PLXNA1: variants seen among roughly 807,000 people sequenced by gnomAD.
PLXNA1 encodes plexin-A1.
PLXNA1 carries 77 observed loss-of-function variants against 191.7 expected under a neutral mutation model. The observed-to-expected ratio is 0.40, with a 90% CI of 0.33 to 0.49. The LOEUF (loss-of-function observed/expected upper bound fraction) is 0.49. Among genes scored for constraint, PLXNA1 ranks in the 20% least tolerant of loss-of-function variants. The pLI is 0.63. For synonymous variants in PLXNA1, 1,137 were observed against 1,156.4 expected, an observed-to-expected ratio of 0.98 and a Z score of 0.34; for missense variants, 2,110 against 2,660.2, an observed-to-expected ratio of 0.79 and a Z score of 4.55.
chr3:127,023,796 G>GT (rs2079164089), intron 23 of PLXNA1, among the ~76,000 whole-genome samples: 1 of 152,150 alleles, frequency 6.6e-6, no homozygotes, highest in South Asian at 2.1e-4. Flanking sequence ...AGGCAATGGG[G>GT]CAGGGCCGAG....
intron 1 of PLXNA1, among the ~76,000 whole-genome samples, chr3:126,986,494 A>G (rs967513663): frequency 1.3e-5 from 2 of 152,068 alleles, no homozygotes; most frequent in African/African-American, 4.8e-5. Context: ...TGGGGAGTGA[A>G]ACAGGAGTGA....
At chr3:127,027,067 TGGC>T (rs2079179832) in intron 23 of PLXNA1, 1 of 164,322 alleles carries the variant, frequency 6.1e-6, no homozygotes, top group Middle Eastern at 3.0e-3. Context: ...GAACGACAGA[TGGC>T]GGGGAGACTC....
At position 127,032,397 on chromosome 3, in the gene PLXNA1, C is replaced by T. The variant is rs2079215968; in HGVS notation, c.5242C>T (p.Arg1748Cys). ...HTWKSNCLPL[R>C]FWVNVIKNPQ... ...GACTCTCGCCTGCAGCCTGCCCCTG[C>T]GCTTCTGGGTGAACGTGATCAAGAA... The change falls in exon 30 of 32, where the codon CGC becomes TGC. Residue 1748 changes from arginine to cysteine, a missense_variant. Transcript: ENST00000393409. 1.2e-6 allele frequency: 2 copies of T among 1,613,712 alleles called. No homozygotes were observed. The highest frequency in any genetic ancestry group is 1.7e-6 in the Non-Finnish European group (2 of 1,179,918).
chr3:127,020,369 C>A (rs774228663), intron 21 of PLXNA1, 25 bp downstream of exon 21: 4 of 1,608,542 alleles, frequency 2.5e-6, no homozygotes, highest in Non-Finnish European at 1.7e-6. Context: ...TCCGGGGGGT[C>A]ACAGGAACTC....
At chr3:126,990,145 T>G (rs1256777542) in intron 2 of PLXNA1, among the ~76,000 whole-genome samples, 4 of 152,204 alleles carry the variant, frequency 2.6e-5, no homozygotes, top group African/African-American at 9.6e-5. Flanking sequence ...GTCCCCATCC[T>G]ACAAATGAGG....
chr3:127,005,038 T>C (rs778864044), intron 6 of PLXNA1, 30 bp downstream of exon 6: 1 of 1,609,004 alleles, frequency 6.2e-7, no homozygotes, highest in Non-Finnish European at 8.5e-7. Context: ...TGGTAAGGGG[T>C]GGGGGACAGC....
At position 127,017,507 on chromosome 3, in the gene PLXNA1, G is replaced by A; in HGVS notation, c.3359G>A (p.Gly1120Glu). 6.2e-7 allele frequency: 1 copy of A among 1,613,640 alleles called. No homozygotes were observed. Among genetic ancestry groups the A allele is most frequent in the Non-Finnish European group, 8.5e-7 (1 of 1,180,010 alleles). Residue 1120 changes from glycine (G) to glutamate (E), a missense_variant, in exon 18 of 32, where the codon GGG becomes GAG. Gly to Glu is a moderately conservative substitution (Grantham distance 98). Transcript: ENST00000393409. ...ANPVRSPPEL[G>E]ERPDELGFVM... ...CCTGTGCGCAGCCCACCAGAGCTGG[G>A]GGAGCGGCCGGATGAGCTGGGCTTC...
In PLXNA1 at chr3:127,022,340, C is replaced by T; in HGVS notation, c.4294C>T (p.Arg1432Trp). The T allele has an allele frequency of 1.2e-6, 2 of 1,608,686 alleles. No homozygotes were observed. The highest frequency in any genetic ancestry group is 1.7e-6 in the Non-Finnish European group (2 of 1,176,216). The change falls in exon 22 of 32, where the codon CGG becomes TGG. Residue 1432 changes from arginine to tryptophan, a missense_variant and splice_region_variant. Physicochemically the swap from Arg to Trp is moderately radical, Grantham distance 101 (BLOSUM62 -3). Coordinates refer to ENST00000393409, the MANE Select transcript of PLXNA1 (RefSeq NM_032242.4). ...SKNHPKLLLR[R>W]TESVAEKMLT... ...GAACCACCCCAAGCTGCTACTGCGC[C>T]GGTGAGCCTGGGGGGCACTGGGGTT...
At chr3:127,017,095 C>T (rs764357435) in intron 17 of PLXNA1, 58 bp downstream of exon 17, 2 of 1,451,974 alleles carry the variant, frequency 1.4e-6, no homozygotes, top group East Asian at 2.3e-5. Flanking sequence ...GGATGGGGCT[C>T]CTGCTAGGAA....
chr3:127,015,839 A>G (rs1024998544), intron 15 of PLXNA1, among the ~76,000 whole-genome samples: 2 of 151,950 alleles, frequency 1.3e-5, no homozygotes, highest in African/African-American at 4.8e-5. Flanking sequence ...GGTGTGGGCT[A>G]TGCCTGGCTG....
At chr3:127,025,256 G>A (rs1032817754) in intron 23 of PLXNA1, among the ~76,000 whole-genome samples, 45 of 152,250 alleles carry the variant, frequency 3.0e-4, no homozygotes, top group South Asian at 1.0e-3. Context: ...CTTGGCACCC[G>A]TTGATCTCAT....
Position 127,015,195 on chromosome 3 carries a change from C to G in PLXNA1, c.2889C>G (p.Phe963Leu), listed in dbSNP as rs372287562. The change falls in exon 15 of 32, where the codon TTC becomes TTG. Residue 963 changes from phenylalanine to leucine, a missense_variant. Around this residue, in one of 4 missense-constraint regions of PLXNA1, gnomAD observed 644 missense variants for 714.3 expected, o/e 0.90. Coordinates refer to ENST00000393409, the MANE Select transcript of PLXNA1 (RefSeq NM_032242.4). ...CCCTCTTCCTGCAGACACCAACCTTCTACCGTGTGAGCCCCTCCCGTGGGC... is the reference window on the plus strand; with the variant it reads ...CCCTCTTCCTGCAGACACCAACCTTGTACCGTGTGAGCCCCTCCCGTGGGC... ...PKRFTFVTPT[F>L]YRVSPSRGPL... 4 of 1,612,438 alleles carry G rather than the reference C, an allele frequency of 2.5e-6. No individual in the cohort carries two copies. The African/African-American group carries it at 5.3e-5, about 22-fold the overall frequency.
At chr3:126,986,854 C>T (rs2078961676) in intron 1 of PLXNA1, among the ~76,000 whole-genome samples, 1 of 152,210 alleles carries the variant, frequency 6.6e-6, no homozygotes, top group African/African-American at 2.4e-5. Flanking sequence ...CTGTGCCCAG[C>T]TCCCTGGTAG....
chr3:127,002,918 C>T (rs2079047560), intron 3 of PLXNA1, among the ~76,000 whole-genome samples: 1 of 152,078 alleles, frequency 6.6e-6, no homozygotes, highest in Non-Finnish European at 1.5e-5. Flanking sequence ...CTGGCCTCTG[C>T]CCCCGACAAC....
intron 23 of PLXNA1, among the ~76,000 whole-genome samples, chr3:127,024,457 G>A (rs1014211311): frequency 3.3e-5 from 5 of 152,146 alleles, no homozygotes; most frequent in Admixed American, 2.6e-4. Flanking sequence ...GGGAGGGAGA[G>A]GGAGGCCAGT....
chr3:126,988,075 C>T lies in PLXNA1; in HGVS notation c.-73-446C>T, dbSNP rs529876151. Among the ~76,000 whole-genome samples, 7 of 152,248 alleles carry T rather than the reference C, an allele frequency of 4.6e-5. No homozygotes were observed. The South Asian group carries it at 1.2e-3, about 27-fold the overall frequency. ...GGACGGTGGTGGAGTATGTCCCCACCAGCCTCAGGCAGGGAGCTGGTGCCC... is the reference window on the plus strand; with the variant it reads ...GGACGGTGGTGGAGTATGTCCCCACTAGCCTCAGGCAGGGAGCTGGTGCCC... On this transcript the variant is annotated intron_variant, in intron 1 of 31. Transcript: ENST00000393409.
In PLXNA1 at chr3:127,018,446, A is replaced by T. The variant is rs371701701; in HGVS notation, c.3813A>T (p.Ser1271=). ...TGCTCATCGCCTACAAGCGCAAGTC[A>T]CGAGATGCTGACCGCACACTCAAGC... ...VAVLIAYKRK[S]RDADRTLKRL... Residue 1271 remains serine, a synonymous_variant, in exon 20 of 32, where the codon TCA becomes TCT. Transcript: ENST00000393409. 30 of 1,612,912 alleles carry T rather than the reference A, an allele frequency of 1.9e-5. No homozygotes were observed. The highest frequency in any genetic ancestry group is 2.5e-5 in the Non-Finnish European group (29 of 1,179,990).
At chr3:127,000,426 C>T (rs1007819658) in intron 3 of PLXNA1, among the ~76,000 whole-genome samples, 4 of 152,168 alleles carry the variant, frequency 2.6e-5, no homozygotes, top group East Asian at 1.9e-4. Context: ...GGCGTCGGCA[C>T]GTGGGCTCCC....
chr3:127,005,319 G>A lies in PLXNA1; in HGVS notation c.1897+76G>A, dbSNP rs539560790. The A allele has an allele frequency of 3.3e-5, 49 of 1,495,752 alleles. No homozygotes were observed. The African/African-American group carries it at 3.9e-4, about 12-fold the overall frequency. The allele number at this position is 1,495,752 out of a possible 1,614,324, so 92.7% of individuals were successfully genotyped here. A position where few individuals can be genotyped will look rare whatever the true frequency, so the allele number is the denominator to read the frequency against. ...GCAATCCAGTTGCCGCCTGTTTAGC[G>A]CCTCCCTTGTTCAGTTCCAAGGGCA... On this transcript the variant is annotated intron_variant, in intron 7 of 31. Coordinates refer to ENST00000393409, the MANE Select transcript of PLXNA1 (RefSeq NM_032242.4).
Sources: allele counts gnomAD v4.1 joint callset (sites outside exome capture counted in the v4.1 genomes callset), GRCh38; gene constraint gnomAD v4.1.1; regional missense constraint gnomAD v4.1.1; transcripts MANE v1.5; gene names NCBI Gene and HGNC (gene_info 2026-07-23, HGNC 2026-07-21).